VRTN: variants seen among roughly 807,000 people sequenced by gnomAD.
VRTN encodes vertebrae development associated.
A neutral mutation model predicts 18.2 loss-of-function variants in VRTN; 5 were observed. That is an observed-to-expected ratio of 0.27 (90% CI 0.14 to 0.58). The LOEUF (loss-of-function observed/expected upper bound fraction) is 0.58. Among genes scored for constraint, VRTN ranks in the 20% least tolerant of loss-of-function variants. The probability of loss-of-function intolerance (pLI) is 0.91; values close to 1 mark genes in which losing one functional copy is unlikely to be tolerated. For missense variants in VRTN, 741 were observed against 939.4 expected (o/e 0.79, Z 2.76); for synonymous variants, 381 against 393.7 (o/e 0.97, Z 0.38).
chr14:74,351,253 C>T (rs995704167), intron 1 of VRTN, among the ~76,000 whole-genome samples: 1 of 152,096 alleles, frequency 6.6e-6, no homozygotes, highest in Non-Finnish European at 1.5e-5. Context: ...ATGTTAAGTG[C>T]TGTCTTTACT....
intron 2 of VRTN, among the ~76,000 whole-genome samples, chr14:74,342,267 A>T (rs1170718839): frequency 6.6e-6 from 1 of 151,502 alleles, no homozygotes; most frequent in Non-Finnish European, 1.5e-5. Flanking sequence ...AAAAGACAAG[A>T]CAGATTTGTA....
upstream of VRTN, chr14:74,303,034 A>C (rs1351597027): frequency 9.2e-7 from 1 of 1,083,254 alleles, no homozygotes; most frequent in African/African-American, 1.7e-5. Flanking sequence ...AAGGTGCGGG[A>C]GACGCGGACT....
upstream of VRTN, among the ~76,000 whole-genome samples, chr14:74,345,570 G>C (rs534385683): frequency 5.5e-4 from 83 of 150,868 alleles, no homozygotes; most frequent in African/African-American, 1.9e-3. Flanking sequence ...GAAACACCCA[G>C]TTGCACCCTG....
At chr14:74,350,393 C>G (rs2085676105) in intron 1 of VRTN, among the ~76,000 whole-genome samples, 1 of 150,968 alleles carries the variant, frequency 6.6e-6, no homozygotes, top group East Asian at 2.0e-4. Context: ...TAGGGTGGGA[C>G]GAGGAGGGTG....
At chr14:74,344,393 G>C (rs1245198576), upstream of VRTN, among the ~76,000 whole-genome samples, 10 of 113,750 alleles carry the variant, frequency 8.8e-5, no homozygotes, top group Non-Finnish European at 1.7e-4. Flanking sequence ...CTGGGTGACA[G>C]AGCAAGACTG....
intron 2 of VRTN, among the ~76,000 whole-genome samples, chr14:74,341,866 G>A (rs529180022): frequency 1.3e-5 from 2 of 152,258 alleles, no homozygotes; most frequent in African/African-American, 4.8e-5. Context: ...CTCTGCTTCT[G>A]AAATCTGAAT....
chr14:74,349,858 C>A (rs1042524129), intron 1 of VRTN, among the ~76,000 whole-genome samples: 2 of 152,138 alleles, frequency 1.3e-5, no homozygotes, highest in South Asian at 2.1e-4. Flanking sequence ...TGGCTGGATG[C>A]CTCTGGATGT....
At chr14:74,350,625 TAGAA>T (rs1373701218) in intron 1 of VRTN, among the ~76,000 whole-genome samples, 5 of 152,166 alleles carry the variant, frequency 3.3e-5, no homozygotes, top group African/African-American at 1.2e-4. Flanking sequence ...TTATAGTGCT[TAGAA>T]AGGGAGCTTG....
At chr14:74,315,373 C>T (rs72730119) in intron 1 of VRTN, among the ~76,000 whole-genome samples, 1,975 of 152,252 alleles carry the variant, frequency 0.013, 25 homozygotes, top group Non-Finnish European at 0.019. Flanking sequence ...GCCACCGCAA[C>T]CAGCAACAGT....
Position 74,358,015 on chromosome 14 carries a change from A to G in VRTN, c.1232A>G (p.His411Arg), listed in dbSNP as rs769886367. 1.8e-5 allele frequency: 29 copies of G among 1,614,076 alleles called. No homozygotes were observed. In the Middle Eastern group the frequency reaches 4.9e-4, roughly 27 times the overall value. ...CAGCGGGCCAAGTTGTACCTGGAGC[A>G]TTGCATCTCCCTGAACACACTGGTA... ...LMQRAKLYLE[H>R]CISLNTLVPY... The change falls in exon 2 of 2, where the codon CAT (histidine) becomes CGT (arginine). Residue 411 changes from histidine to arginine, a missense_variant. Around this residue, in one of 3 missense-constraint regions of VRTN, gnomAD observed 494 missense variants for 546.5 expected, o/e 0.90. Transcript: ENST00000256362. The surrounding 1 kb of genome is among the most constrained non-coding windows in gnomAD (Gnocchi z 5.4).
intron 1 of VRTN, among the ~76,000 whole-genome samples, chr14:74,355,529 AT>A (rs1328803095): frequency 2.6e-5 from 4 of 152,068 alleles, no homozygotes; most frequent in African/African-American, 7.2e-5. Context: ...TAAAAAAAAA[AT>A]AGCATCATTT....
chr14:74,357,589 A>G lies in VRTN; in HGVS notation c.806A>G (p.Lys269Arg). Residue 269 changes from lysine (K) to arginine (R), a missense_variant, in exon 2 of 2, where the codon AAG becomes AGG. By Grantham distance (26) the Lys-to-Arg change is conservative (BLOSUM62 2). Transcript: ENST00000256362. The surrounding 1 kb of genome is among the most constrained non-coding windows in gnomAD (Gnocchi z 7.8). ...PALAPLSSPA[K>R]TLELLNREPG... ...CTGGCCCCACTCTCATCGCCGGCCA[A>G]GACCCTGGAGCTGCTCAACCGTGAA... The G allele has an allele frequency of 6.2e-7, 1 of 1,613,958 alleles. No individual in the cohort carries two copies. The highest frequency in any genetic ancestry group is 8.5e-7 in the Non-Finnish European group (1 of 1,180,016).
Position 74,358,194 on chromosome 14 carries a change from G to A in VRTN, c.1411G>A (p.Ala471Thr), listed in dbSNP as rs1176133538. Residue 471 changes from alanine to threonine, a missense_variant, in exon 2 of 2, where the codon GCT (alanine) becomes ACT (threonine). Transcript: ENST00000256362. The surrounding 1 kb of genome is among the most constrained non-coding windows in gnomAD (Gnocchi z 5.4). ...TPQLASVGEG[A>T]VIPWKSEAEE... ...CCAGCTAGCATCTGTTGGGGAAGGG[G>A]CTGTAATTCCTTGGAAGAGTGAGGC... The A allele has an allele frequency of 6.2e-7, 1 of 1,613,600 alleles. No homozygotes were observed. The highest frequency in any genetic ancestry group is 8.5e-7 in the Non-Finnish European group (1 of 1,179,808).
At chr14:74,305,642 A>T (rs1311839354) in intron 1 of VRTN, 1 of 166,344 alleles carries the variant, frequency 6.0e-6, no homozygotes, top group Non-Finnish European at 1.3e-5. Flanking sequence ...AATGAGGTAC[A>T]TTAGTGTTTG....
At chr14:74,323,682 C>T (rs1448244357) in intron 1 of VRTN, among the ~76,000 whole-genome samples, 1 of 151,838 alleles carries the variant, frequency 6.6e-6, no homozygotes, top group African/African-American at 2.4e-5. Flanking sequence ...AGGTGGAGTC[C>T]AAGAGTTAGT....
intron 1 of VRTN, among the ~76,000 whole-genome samples, chr14:74,332,584 C>T (rs1361702846): frequency 2.0e-5 from 3 of 151,324 alleles, no homozygotes; most frequent in South Asian, 2.1e-4. Flanking sequence ...CTCGAACTCC[C>T]GACCTCAGGT....
intron 1 of VRTN, among the ~76,000 whole-genome samples, chr14:74,303,992 C>T (rs149504613): frequency 6.6e-6 from 1 of 151,754 alleles, no homozygotes; most frequent in East Asian, 1.9e-4. Context: ...GCTAGGATTA[C>T]AGGCATGTGC....
At chr14:74,336,151 G>T (rs1418114467) in intron 1 of VRTN, among the ~76,000 whole-genome samples, 1 of 151,652 alleles carries the variant, frequency 6.6e-6, no homozygotes, top group African/African-American at 2.4e-5. Flanking sequence ...GCTCACGCCT[G>T]TAATCCAGCA....
intron 1 of VRTN, among the ~76,000 whole-genome samples, chr14:74,303,529 C>G (rs1193910283): frequency 6.6e-6 from 1 of 152,000 alleles, no homozygotes; most frequent in Non-Finnish European, 1.5e-5. Context: ...CCAGCCTGGG[C>G]GACAAAGAGA....
Sources: gnomAD v4.1 joint callset for allele counts (sites outside exome capture counted in the v4.1 genomes callset) on GRCh38, gnomAD v4.1.1 for gene constraint, gnomAD v4.1.1 regional missense constraint, Gnocchi (gnomAD v3.1) non-coding constraint, MANE v1.5 for transcripts, NCBI Gene and HGNC (gene_info 2026-07-23, HGNC 2026-07-21) for gene names.